Variants in LRP1B observed in about 807,000 individuals in gnomAD.
LRP1B encodes low-density lipoprotein receptor-related protein 1B.
Under a neutral mutation model 556.6 loss-of-function variants are expected in LRP1B, and 217 were observed. That is an observed-to-expected ratio of 0.39 (90% CI 0.35 to 0.44). The LOEUF (loss-of-function observed/expected upper bound fraction) is 0.44, where lower values mean the gene tolerates loss of function less well. Ranked by LOEUF, LRP1B falls within the 20% of genes least tolerant of loss-of-function variation. LRP1B has a pLI of 1.00. For synonymous variants in LRP1B, 2,047 were observed against 1,865.8 expected (o/e 1.10, Z -2.50); for missense variants, 5,053 against 5,620.8 (o/e 0.90, Z 3.23).
intron 3 of LRP1B, among the ~76,000 whole-genome samples, chr2:141,312,417 C>A (rs542431639): frequency 5.9e-5 from 9 of 152,034 alleles, no homozygotes; most frequent in East Asian, 5.8e-4. Flanking sequence ...ATATAACATA[C>A]GAAATATGTG....
Position 140,291,840 on chromosome 2 carries a change from G to C in LRP1B, c.12967+5968C>G, listed in dbSNP as rs539254324. Among the ~76,000 whole-genome samples the C allele has an allele frequency of 4.4e-3, 674 of 152,234 alleles. 5 individuals carry two copies. The highest frequency in any genetic ancestry group is 8.0e-3 in the Non-Finnish European group (547 of 68,018). ...GTATATACCCAGTAATGGGATGGCT[G>C]GGTCAAATGGTATTTCTAGTTCTAG... On this transcript the variant is annotated intron_variant, in intron 84 of 90. Transcript: ENST00000389484.
chr2:141,494,141 G>T (rs1222355325), intron 2 of LRP1B, among the ~76,000 whole-genome samples: 2 of 152,126 alleles, frequency 1.3e-5, no homozygotes, highest in African/African-American at 2.4e-5. Context: ...CAGCCTCAAG[G>T]CCTGGTTAGC....
intron 66 of LRP1B, among the ~76,000 whole-genome samples, chr2:140,411,284 C>T (rs1468377302): frequency 6.6e-6 from 1 of 151,958 alleles, no homozygotes; most frequent in Non-Finnish European, 1.5e-5. Flanking sequence ...CTTTAGTTAA[C>T]AGTATATTGA....
At chr2:141,961,834 G>C (rs564429266) in intron 1 of LRP1B, among the ~76,000 whole-genome samples, 8 of 151,850 alleles carry the variant, frequency 5.3e-5, no homozygotes, top group African/African-American at 1.9e-4. Flanking sequence ...TTGAAGGTAA[G>C]TTAACTTGGC....
chr2:141,644,485 C>T (rs958261150), intron 2 of LRP1B, among the ~76,000 whole-genome samples: 3 of 152,034 alleles, frequency 2.0e-5, no homozygotes, highest in Non-Finnish European at 2.9e-5. Context: ...ATGTCTTTAT[C>T]AGCAGTGTGA....
chr2:141,839,233 C>T (rs994696221), intron 1 of LRP1B, among the ~76,000 whole-genome samples: 4 of 151,994 alleles, frequency 2.6e-5, no homozygotes, highest in African/African-American at 9.7e-5. Flanking sequence ...TATAGAGAAC[C>T]AAATGGTGAG....
chr2:141,774,168 G>A (rs1176223921), intron 2 of LRP1B, among the ~76,000 whole-genome samples: 1 of 152,182 alleles, frequency 6.6e-6, no homozygotes, highest in Non-Finnish European at 1.5e-5. Flanking sequence ...CTAATTTTGA[G>A]TACAAAAAGA....
At chr2:141,241,896 T>C (rs1683891737) in intron 5 of LRP1B, among the ~76,000 whole-genome samples, 1 of 151,614 alleles carries the variant, frequency 6.6e-6, no homozygotes, top group Non-Finnish European at 1.5e-5. Context: ...AATGAAATAA[T>C]AACTTATGCA....
intron 41 of LRP1B, among the ~76,000 whole-genome samples, chr2:140,643,208 T>C (rs1027445007): frequency 1.3e-5 from 2 of 152,196 alleles, no homozygotes; most frequent in Admixed American, 1.3e-4. Flanking sequence ...AGGACGCCTT[T>C]CCTTAATGTT....
At chr2:141,179,125 C>A (rs6741533) in intron 7 of LRP1B, among the ~76,000 whole-genome samples, 50,184 of 151,584 alleles carry the variant, frequency 0.33, 9,941 homozygotes, top group Non-Finnish European at 0.46. Context: ...TTAAATAATA[C>A]AATAATTAAA....
intron 2 of LRP1B, among the ~76,000 whole-genome samples, chr2:141,784,716 A>G (rs1357137456): frequency 1.3e-5 from 2 of 151,918 alleles, no homozygotes; most frequent in African/African-American, 4.8e-5. Context: ...TGTGCATTAT[A>G]TAATAAGCAA....
intron 1 of LRP1B, among the ~76,000 whole-genome samples, chr2:141,865,157 C>T (rs561433230): frequency 1.3e-5 from 2 of 152,266 alleles, no homozygotes; most frequent in East Asian, 3.9e-4. Context: ...AAGATCTTGT[C>T]TCGCATTTTT....
chr2:140,911,968 A>G (rs1302255555), intron 21 of LRP1B, among the ~76,000 whole-genome samples: 1 of 151,826 alleles, frequency 6.6e-6, no homozygotes, highest in Non-Finnish European at 1.5e-5. Flanking sequence ...AACAAAAATA[A>G]TATTCAGATG....
At chr2:141,479,824 T>A (rs1682851891) in intron 3 of LRP1B, among the ~76,000 whole-genome samples, 1 of 152,180 alleles carries the variant, frequency 6.6e-6, no homozygotes, top group Admixed American at 6.5e-5. Flanking sequence ...AGATTTTAAT[T>A]ATTATCCCTC....
chr2:140,507,984 T>C (rs999765637), intron 52 of LRP1B, among the ~76,000 whole-genome samples: 1 of 152,188 alleles, frequency 6.6e-6, no homozygotes. Context: ...TGGCTCATTT[T>C]AAGTATTTAA....
At chr2:141,195,919 GCT>G (rs1681732173) in intron 6 of LRP1B, among the ~76,000 whole-genome samples, 1 of 152,022 alleles carries the variant, frequency 6.6e-6, no homozygotes, top group African/African-American at 2.4e-5. Flanking sequence ...TGTGAACTGA[GCT>G]CTGACAAGAA....
chr2:141,038,440 G>A (rs1197373168), intron 11 of LRP1B, among the ~76,000 whole-genome samples: 1 of 152,116 alleles, frequency 6.6e-6, no homozygotes, highest in Non-Finnish European at 1.5e-5. Flanking sequence ...TTGATGTGGA[G>A]TAAGAAAGAT....
intron 1 of LRP1B, among the ~76,000 whole-genome samples, chr2:141,957,746 T>A (rs972197729): frequency 7.9e-5 from 12 of 152,026 alleles, no homozygotes; most frequent in African/African-American, 2.9e-4. Flanking sequence ...GAGGAGGATA[T>A]ACTGGCGAGA....
rs183282553 is a variant in LRP1B, at chr2:141,283,562, C to T, written c.344-28921G>A. 1.9e-3 allele frequency among the ~76,000 whole-genome samples: 283 copies of T among 149,578 alleles called. 2 individuals carry two copies. The highest frequency in any genetic ancestry group is 4.5e-3 in the Admixed American group (67 of 14,960). On this transcript the variant is annotated intron_variant, in intron 3 of 90. Transcript: ENST00000389484. ...ACATAGATTAGACATGTAGGGGAAA[C>T]GAGAATGGAAACAGCAAAGTCCTTG... is the stretch of plus-strand genomic sequence containing the variant.
Sources: allele counts gnomAD v4.1 joint callset (sites outside exome capture counted in the v4.1 genomes callset), GRCh38; gene constraint gnomAD v4.1.1; transcripts MANE v1.5; gene names NCBI Gene and HGNC (gene_info 2026-07-23, HGNC 2026-07-21).